EPG5: variants seen among roughly 807,000 people sequenced by gnomAD.
The protein encoded by EPG5 is ectopic P granules protein 5 homolog.
In EPG5, 159 loss-of-function variants were observed where a neutral mutation model predicts 302.7. That is an observed-to-expected ratio of 0.53 (90% confidence interval 0.46 to 0.60). The LOEUF (loss-of-function observed/expected upper bound fraction) is 0.60, where lower values mean the gene tolerates loss of function less well. EPG5 is among the 20% of genes least tolerant of loss of function. The pLI is 0.00. For missense variants in EPG5, 2,896 were observed against 3,092.4 expected (o/e 0.94, Z 1.51); for synonymous variants, 1,158 against 1,136.8 (o/e 1.02, Z -0.37).
intron 24 of EPG5, chr18:45,907,157 C>T (rs1179506326): frequency 1.3e-5 from 2 of 152,142 alleles, no homozygotes; most frequent in Non-Finnish European, 2.9e-5. Flanking sequence ...AAGAAAAAGA[C>T]ACCTACTGGA....
chr18:45,928,961 G>A lies in EPG5; in HGVS notation c.2461C>T (p.Arg821Ter), dbSNP rs759625169. 4 of 1,613,726 alleles carry A rather than the reference G, an allele frequency of 2.5e-6. No homozygotes were observed. The highest frequency in any genetic ancestry group is 2.2e-5 in the East Asian group (1 of 44,878). ...GCTGTGATAGTCCCTAAAAGCTCTC[G>A]ACCAACCTTTGAAAAAGTCTCTCTG... ...STRETFSKVG[R>*]ELLGTITAVH... Residue 821 changes from arginine to a stop codon, truncating the protein, a stop_gained, in exon 13 of 44, where the codon CGA (arginine) becomes TGA (stop). Transcript: ENST00000282041. LOFTEE classifies it high-confidence loss of function.
intron 27 of EPG5, among the ~76,000 whole-genome samples, chr18:45,891,005 T>A (rs1488521181): frequency 6.6e-6 from 1 of 152,208 alleles, no homozygotes; most frequent in Non-Finnish European, 1.5e-5. Context: ...ATTCTCCTCC[T>A]GTCTTCCCCA....
chr18:45,918,538 T>C (rs568439369), intron 16 of EPG5, among the ~76,000 whole-genome samples: 23 of 152,272 alleles, frequency 1.5e-4, no homozygotes, highest in Admixed American at 1.4e-3. Context: ...AAAGAATCTA[T>C]CCTTAAAAAA....
At chr18:45,937,218 A>G (rs2050548454) in intron 10 of EPG5, among the ~76,000 whole-genome samples, 1 of 117,674 alleles carries the variant, frequency 8.5e-6, no homozygotes, top group Non-Finnish European at 1.8e-5. Flanking sequence ...GAAGTCTGGC[A>G]TATATATACA....
At chr18:45,965,643 T>C (rs995459358) in intron 1 of EPG5, among the ~76,000 whole-genome samples, 9 of 152,252 alleles carry the variant, frequency 5.9e-5, no homozygotes, top group African/African-American at 1.9e-4. Flanking sequence ...GAAAAAAATG[T>C]CCTGTACTTG....
In EPG5 at chr18:45,916,452, T is replaced by A; in HGVS notation, c.3370A>T (p.Asn1124Tyr). ...ASHGDNVKLL[N>Y]SMIQAHISVS... The stretch of plus-strand genomic sequence containing the variant: ...AAGGCCCTCACCTGGATCATGCTGT[T>A]GAGAAGCTTCACGTTGTCCCCATGG... The change falls in exon 18 of 44, where the codon AAC becomes TAC. Residue 1124 changes from asparagine to tyrosine, a missense_variant. By Grantham distance (143) the Asn-to-Tyr change is moderately radical (BLOSUM62 -2). Around this residue, in one of 5 missense-constraint regions of EPG5, gnomAD observed 1,390 missense variants for 1,430.0 expected, o/e 0.97. Transcript: ENST00000282041. The A allele has an allele frequency of 6.2e-7, 1 of 1,612,820 alleles. No homozygotes were observed.
the EPG5 span, among the ~76,000 whole-genome samples, chr18:45,807,033 G>A: frequency 1.3e-5 from 2 of 152,206 alleles, no homozygotes; most frequent in Non-Finnish European, 2.9e-5. Flanking sequence ...CAGGCGGGGG[G>A]CAGGGGGCAC....
chr18:45,830,487 G>A, the EPG5 span, among the ~76,000 whole-genome samples: 4 of 152,074 alleles, frequency 2.6e-5, no homozygotes, highest in African/African-American at 7.3e-5. Context: ...GGGGAATTTC[G>A]CTATGAAAGA....
At chr18:45,837,695 C>T in the EPG5 span, 5 of 1,476,492 alleles carry the variant, frequency 3.4e-6, no homozygotes, top group East Asian at 8.5e-5. Flanking sequence ...CGCTGCGGCG[C>T]GGGGCAGCGA....
rs550775743 is a variant in EPG5, at chr18:45,938,529, A to G, written c.2099+1071T>C. ...TTTAAGTTAGACTCAATGCCTTCAC[A>G]GTGTCTAAAAGTGGTTAACACTTAG... is the stretch of plus-strand genomic sequence containing the variant. On this transcript the variant is annotated intron_variant, in intron 10 of 43. Coordinates refer to ENST00000282041, the MANE Select transcript of EPG5 (RefSeq NM_020964.3). 1.1e-3 allele frequency among the ~76,000 whole-genome samples: 175 copies of G among 152,180 alleles called. 5 individuals carry two copies. Among genetic ancestry groups the G allele is most frequent in the Non-Finnish European group, 1.2e-3 (85 of 68,002 alleles).
chr18:45,856,861 A>C (rs1410519669), intron 42 of EPG5, among the ~76,000 whole-genome samples: 1 of 152,216 alleles, frequency 6.6e-6, no homozygotes, highest in African/African-American at 2.4e-5. Context: ...GATTTTTTGC[A>C]ACAAAAATCC....
chr18:45,859,203 A>C (rs1031709475), intron 40 of EPG5, among the ~76,000 whole-genome samples: 7 of 152,200 alleles, frequency 4.6e-5, no homozygotes, highest in African/African-American at 1.4e-4. Flanking sequence ...AACTGTTATC[A>C]CTCAATCTGT....
At chr18:45,922,285 A>G in intron 16 of EPG5, 56 bp downstream of exon 16, 1 of 1,581,678 alleles carries the variant, frequency 6.3e-7, no homozygotes, top group Non-Finnish European at 8.6e-7. Context: ...GAAACATAAA[A>G]TTCTAGAACT....
chr18:45,916,253 T>C (rs1195105407), intron 18 of EPG5, 47 bp from the exon 19 acceptor site: 1 of 1,562,832 alleles, frequency 6.4e-7, no homozygotes, highest in East Asian at 2.2e-5. Context: ...AACCAGCCTC[T>C]CATTTTTTAA....
At chr18:45,858,989 C>T (rs1030479533) in intron 40 of EPG5, among the ~76,000 whole-genome samples, 6 of 152,156 alleles carry the variant, frequency 3.9e-5, no homozygotes, top group Admixed American at 3.3e-4. Flanking sequence ...GACTGGATAG[C>T]CCTCAGGCCA....
In EPG5 at chr18:45,949,519, C is replaced by T. The variant is rs764382463; in HGVS notation, c.1462G>A (p.Ala488Thr). The change falls in exon 5 of 44, where the codon GCT becomes ACT. Residue 488 changes from alanine to threonine, a missense_variant. This residue lies in a region of EPG5 where 1,390 missense variants were observed against 1,430.0 expected (regional missense o/e 0.97). Coordinates refer to ENST00000282041, the MANE Select transcript of EPG5 (RefSeq NM_020964.3). The part of the protein sequence containing the change: ...FLLNHILRCP[A>T]GVSKWAVPFI... Reference sequence around the variant, plus strand: ...GGAACAGCCCATTTACTAACACCAGCGGGGCATCGAAGAATATGGTTTAGA... The same window carrying T: ...GGAACAGCCCATTTACTAACACCAGTGGGGCATCGAAGAATATGGTTTAGA... 4.5e-5 allele frequency: 72 copies of T among 1,612,708 alleles called. No homozygotes were observed. Among genetic ancestry groups the T allele is most frequent in the African/African-American group, 1.9e-4 (14 of 74,808 alleles).
At chr18:45,922,665 C>G in intron 15 of EPG5, 65 bp from the exon 16 acceptor site, 2 of 1,559,552 alleles carry the variant, frequency 1.3e-6, no homozygotes, top group Non-Finnish European at 8.7e-7. Flanking sequence ...AGCTCATACA[C>G]TCATCTCCTT....
At chr18:45,950,980 A>G (rs2050895701) in intron 4 of EPG5, 122 bp downstream of exon 4, 2 of 701,546 alleles carry the variant, frequency 2.9e-6, no homozygotes, top group Admixed American at 7.7e-5. Flanking sequence ...AAAAGTCATT[A>G]ATAAACTCAT....
the EPG5 span, among the ~76,000 whole-genome samples, chr18:45,826,779 C>T: frequency 1.4e-4 from 21 of 152,196 alleles, no homozygotes; most frequent in Admixed American, 9.2e-4. Context: ...TCCCATCTGG[C>T]GTGTACTCAG....
Sources: allele counts gnomAD v4.1 joint callset (sites outside exome capture counted in the v4.1 genomes callset), GRCh38; gene constraint gnomAD v4.1.1; regional missense constraint gnomAD v4.1.1; transcripts MANE v1.5; gene names NCBI Gene and HGNC (gene_info 2026-07-23, HGNC 2026-07-21).